FILIP1L: variants seen among roughly 807,000 people sequenced by gnomAD.
The protein encoded by FILIP1L is filamin A interacting protein 1 like, also known as filamin A-interacting protein 1-like.
Under a neutral mutation model 96.6 loss-of-function variants are expected in FILIP1L, and 55 were observed. The observed-to-expected ratio is 0.57, with a 90% confidence interval of 0.46 to 0.71. The LOEUF is 0.71. Ranked by LOEUF, FILIP1L falls within the 30% of genes least tolerant of loss-of-function variation. The pLI is 0.00. For missense variants in FILIP1L, 1,304 were observed against 1,321.2 expected (o/e 0.99, Z 0.20); for synonymous variants, 467 against 473.9 (o/e 0.99, Z 0.19).
At chr3:99,994,170 C>A (rs1368167709) in intron 1 of FILIP1L, among the ~76,000 whole-genome samples, 1 of 152,048 alleles carries the variant, frequency 6.6e-6, no homozygotes. Flanking sequence ...TTGGTCTGTT[C>A]AGGAGTACTA....
intron 4 of FILIP1L, among the ~76,000 whole-genome samples, chr3:99,905,625 A>G (rs1358733482): frequency 2.0e-5 from 3 of 152,346 alleles, no homozygotes; most frequent in Non-Finnish European, 2.9e-5. Context: ...TGTGTACTAT[A>G]TAGTCTCTAT....
intron 1 of FILIP1L, among the ~76,000 whole-genome samples, chr3:100,016,854 T>TTA (rs1710357737): frequency 6.6e-6 from 1 of 152,252 alleles, no homozygotes; most frequent in South Asian, 2.1e-4. Context: ...TCATGACATC[T>TTA]TAGTCTATGT....
intron 1 of FILIP1L, among the ~76,000 whole-genome samples, chr3:100,054,477 ATTATG>A (rs2065427071): frequency 7.2e-6 from 1 of 138,072 alleles, no homozygotes; most frequent in Admixed American, 7.6e-5. Flanking sequence ...CGTTCATTAT[ATTATG>A]TTATGTTTTG....
intron 1 of FILIP1L, among the ~76,000 whole-genome samples, chr3:99,996,865 T>C (rs1006335241): frequency 6.6e-6 from 1 of 151,158 alleles, no homozygotes; most frequent in African/African-American, 2.4e-5. Flanking sequence ...CAATTCAAGA[T>C]GAGATTTGGG....
chr3:99,840,491 G>T (rs1324132340), intron 5 of FILIP1L, among the ~76,000 whole-genome samples: 29 of 151,992 alleles, frequency 1.9e-4, no homozygotes, highest in Non-Finnish European at 1.5e-5. Context: ...CAAAGTGCTG[G>T]GATTACAGGC....
chr3:99,916,413 C>A (rs1706951437), intron 4 of FILIP1L, among the ~76,000 whole-genome samples: 1 of 147,456 alleles, frequency 6.8e-6, no homozygotes, highest in African/African-American at 2.5e-5. Flanking sequence ...ATCATGTGAG[C>A]CAACACTTTA....
At chr3:100,051,806 A>G (rs62285463) in intron 1 of FILIP1L, among the ~76,000 whole-genome samples, 4,256 of 150,860 alleles carry the variant, frequency 0.028, 77 homozygotes, top group Non-Finnish European at 0.045. Context: ...AATAGTGCCA[A>G]TGGCTTATAT....
rs142229237 is a variant in FILIP1L at position 100,073,271 on chromosome 3, C to T, written c.-11+40782G>A. ...TATTTATATATTATCTGACTATTTTCATCCTACAACAGAAAAGTTGAGTTC... is the reference window on the plus strand; with the variant it reads ...TATTTATATATTATCTGACTATTTTTATCCTACAACAGAAAAGTTGAGTTC... On this transcript the variant is annotated intron_variant, in intron 1 of 5. Coordinates refer to ENST00000477258, the MANE Select transcript of FILIP1L (RefSeq NM_001387850.1). Among the ~76,000 whole-genome samples the T allele has an allele frequency of 4.4e-3, 675 of 152,260 alleles. 7 individuals carry two copies. Among genetic ancestry groups the T allele is most frequent in the African/African-American group, 0.016 (661 of 41,544 alleles).
rs185309440 is a variant in FILIP1L, at chr3:100,091,338, T to C, written c.-11+22715A>G. 2.4e-3 allele frequency among the ~76,000 whole-genome samples: 361 copies of C among 151,856 alleles called. 1 individual carries two copies. Among genetic ancestry groups the C allele is most frequent in the African/African-American group, 8.2e-3 (339 of 41,410 alleles). On this transcript the variant is annotated intron_variant, in intron 1 of 5. Coordinates refer to ENST00000477258, the MANE Select transcript of FILIP1L (RefSeq NM_001387850.1). Reference sequence around the variant, plus strand: ...ACCCTGCCTTTAAGGGGTGTGCATGTATGTATGTGTATGTATGTTCACCTT... The same window carrying C: ...ACCCTGCCTTTAAGGGGTGTGCATGCATGTATGTGTATGTATGTTCACCTT...
chr3:100,074,759 T>C (rs1290293620), intron 1 of FILIP1L, among the ~76,000 whole-genome samples: 1 of 136,654 alleles, frequency 7.3e-6, no homozygotes, highest in Non-Finnish European at 1.5e-5. Flanking sequence ...AATGGCACGA[T>C]CTTGGCTCAC....
chr3:99,982,418 C>G (rs1418813220), intron 1 of FILIP1L, among the ~76,000 whole-genome samples: 1 of 152,064 alleles, frequency 6.6e-6, no homozygotes, highest in Non-Finnish European at 1.5e-5. Context: ...TGGCTCAAAC[C>G]CATCGTCAGC....
At chr3:99,969,714 C>T (rs1313284478) in intron 1 of FILIP1L, among the ~76,000 whole-genome samples, 1 of 151,982 alleles carries the variant, frequency 6.6e-6, no homozygotes, top group Non-Finnish European at 1.5e-5. Context: ...AGGAAGCAGC[C>T]CCACTAGATA....
At chr3:100,106,041 C>A (rs1345587424) in intron 1 of FILIP1L, among the ~76,000 whole-genome samples, 1 of 151,984 alleles carries the variant, frequency 6.6e-6, no homozygotes, top group Non-Finnish European at 1.5e-5. Context: ...ATTATACCTC[C>A]TAGGGGTTTC....
intron 1 of FILIP1L, among the ~76,000 whole-genome samples, chr3:100,069,419 C>G (rs2065723428): frequency 6.6e-6 from 1 of 152,122 alleles, no homozygotes; most frequent in Non-Finnish European, 1.5e-5. Flanking sequence ...CTGCTCTGTT[C>G]TAAGCAGGCA....
intron 4 of FILIP1L, among the ~76,000 whole-genome samples, chr3:99,918,371 C>A (rs1707021385): frequency 6.6e-6 from 1 of 152,190 alleles, no homozygotes; most frequent in South Asian, 2.1e-4. Flanking sequence ...CAGACTGCCA[C>A]TATCTCTAAG....
chr3:99,895,138 A>C (rs1329126623), intron 4 of FILIP1L, among the ~76,000 whole-genome samples: 1 of 152,152 alleles, frequency 6.6e-6, no homozygotes, highest in Non-Finnish European at 1.5e-5. Context: ...TTCACAACTC[A>C]GGTGTTCATA....
intron 1 of FILIP1L, among the ~76,000 whole-genome samples, chr3:99,967,209 G>C (rs1708680311): frequency 3.3e-5 from 5 of 152,192 alleles, no homozygotes. Flanking sequence ...CCCCACCTCT[G>C]ACTTTGAGCA....
chr3:100,002,057 T>C (rs1709858269), intron 1 of FILIP1L, among the ~76,000 whole-genome samples: 1 of 152,198 alleles, frequency 6.6e-6, no homozygotes, highest in Non-Finnish European at 1.5e-5. Flanking sequence ...CGTGTGTGAC[T>C]GTTTGCAGCT....
rs183622767 is a variant in FILIP1L, at chr3:99,933,279, A to G, written c.-10-2249T>C. Among the ~76,000 whole-genome samples the G allele has an allele frequency of 2.6e-4, 39 of 152,322 alleles. 1 individual carries two copies. The highest frequency in any genetic ancestry group is 3.4e-3 in the Middle Eastern group (1 of 294). On this transcript the variant is annotated intron_variant, in intron 1 of 5. Coordinates refer to ENST00000477258, the MANE Select transcript of FILIP1L (RefSeq NM_001387850.1). ...CTTACTGAAGAGACTATTTACAAAT[A>G]CGGTATAGATGAACAATGATGTGTG... is the stretch of plus-strand genomic sequence containing the variant.
Sources: allele counts gnomAD v4.1 joint callset (sites outside exome capture counted in the v4.1 genomes callset), GRCh38; gene constraint gnomAD v4.1.1; transcripts MANE v1.5; gene names NCBI Gene and HGNC (gene_info 2026-07-23, HGNC 2026-07-21).